The following TEX9 variants were observed in gnomAD, a reference collection of about 807,000 sequenced individuals.
TEX9 encodes testis expressed 9, also known as testis-expressed protein 9.
In TEX9, 74 loss-of-function variants were observed where a neutral mutation model predicts 59.6. The ratio of observed to expected loss-of-function variants is 1.24; its 90% CI spans 1.03 to 1.51. TEX9 has a LOEUF of 1.51. Ranked by LOEUF, TEX9 falls within the 40% of genes most tolerant of loss-of-function variation. The probability of loss-of-function intolerance (pLI) is 0.00; values close to 1 mark genes in which losing one functional copy is unlikely to be tolerated. For synonymous variants in TEX9, 186 were observed against 152.2 expected, an observed-to-expected ratio of 1.22 and a Z score of -1.64; for missense variants, 522 against 447.8, an observed-to-expected ratio of 1.17 and a Z score of -1.49.
At chr15:56,403,081 A>G (rs1245324893) in intron 9 of TEX9, among the ~76,000 whole-genome samples, 2 of 152,216 alleles carry the variant, frequency 1.3e-5, no homozygotes, top group Non-Finnish European at 2.9e-5. Flanking sequence ...GCACAAGAGA[A>G]GGATGCCCTC....
chr15:56,311,412 C>T (rs200797686), intron 1 of TEX9, among the ~76,000 whole-genome samples: 57,939 of 124,688 alleles, frequency 0.46, 13,561 homozygotes, highest in Non-Finnish European at 0.57. Context: ...TTTGTTCTTG[C>T]GATAGTTTAC....
At chr15:56,264,412 G>A (rs573059309) in intron 1 of TEX9, among the ~76,000 whole-genome samples, 11 of 152,252 alleles carry the variant, frequency 7.2e-5, no homozygotes, top group Non-Finnish European at 8.8e-5. Context: ...CTTTCACAAA[G>A]TTTTTTCCCT....
exon 6 of TEX9, chr15:56,389,345 A>T (rs1163284536): frequency 1.2e-6 from 2 of 1,611,378 alleles, no homozygotes; most frequent in Non-Finnish European, 1.7e-6. Flanking sequence ...TGATCCTGTA[A>T]ACAAGGTTCA....
At chr15:56,328,799 T>A (rs1487722123) in intron 1 of TEX9, among the ~76,000 whole-genome samples, 1 of 152,062 alleles carries the variant, frequency 6.6e-6, no homozygotes, top group East Asian at 1.9e-4. Flanking sequence ...TTTCTAACAT[T>A]TTTGACTCCA....
intron 1 of TEX9, among the ~76,000 whole-genome samples, chr15:56,273,819 A>G (rs2044606858): frequency 1.3e-5 from 2 of 152,252 alleles, no homozygotes; most frequent in East Asian, 1.9e-4. Context: ...TTGTTGCTCT[A>G]TATGTAAAAT....
At chr15:56,357,097 A>G (rs2046699452) in intron 1 of TEX9, among the ~76,000 whole-genome samples, 1 of 152,144 alleles carries the variant, frequency 6.6e-6, no homozygotes, top group South Asian at 2.1e-4. Context: ...ATCCCTTACT[A>G]TGTCCCCTAC....
At chr15:56,443,344 G>T in intron 12 of TEX9, 1 of 984,042 alleles carries the variant, frequency 1.0e-6, no homozygotes, top group Admixed American at 3.2e-5. Flanking sequence ...AGTATGGTTG[G>T]ATTTAAATGT....
chr15:56,320,913 T>A (rs2045887974), intron 1 of TEX9, among the ~76,000 whole-genome samples: 1 of 152,090 alleles, frequency 6.6e-6, no homozygotes, highest in Admixed American at 6.6e-5. Flanking sequence ...AACCAGGAAA[T>A]AAAGACAGTA....
chr15:56,281,259 T>A (rs779065820), intron 1 of TEX9, among the ~76,000 whole-genome samples: 14 of 152,216 alleles, frequency 9.2e-5, no homozygotes, highest in Non-Finnish European at 1.5e-4. Flanking sequence ...AGATACTGGT[T>A]AACAGAGGTT....
At chr15:56,355,723 C>T (rs182592472) in intron 1 of TEX9, among the ~76,000 whole-genome samples, 1 of 152,136 alleles carries the variant, frequency 6.6e-6, no homozygotes, top group African/African-American at 2.4e-5. Flanking sequence ...CACAGTGTAT[C>T]TTTCTGTTTA....
chr15:56,251,461 T>C (rs1319753408), intron 1 of TEX9, among the ~76,000 whole-genome samples: 1 of 152,172 alleles, frequency 6.6e-6, no homozygotes, highest in Non-Finnish European at 1.5e-5. Flanking sequence ...GCTTATGAGC[T>C]GACTCAATAA....
intron 1 of TEX9, among the ~76,000 whole-genome samples, chr15:56,299,643 G>A (rs2045294925): frequency 6.6e-6 from 1 of 152,154 alleles, no homozygotes. Flanking sequence ...TCCATTTGAG[G>A]AGAAGAGAGA....
At chr15:56,270,091 G>A (rs1385694228) in intron 1 of TEX9, among the ~76,000 whole-genome samples, 2 of 152,208 alleles carry the variant, frequency 1.3e-5, no homozygotes, top group Admixed American at 6.5e-5. Context: ...TGGGATAATT[G>A]TGATGTGGTG....
At chr15:56,274,804 T>G (rs1467953799) in intron 1 of TEX9, among the ~76,000 whole-genome samples, 6 of 152,188 alleles carry the variant, frequency 3.9e-5, no homozygotes, top group African/African-American at 1.4e-4. Flanking sequence ...TGGTTTTATG[T>G]TTTGCTGTTG....
intron 7 of TEX9, 39 bp from the exon 8 acceptor site, chr15:56,394,126 T>G: frequency 6.4e-7 from 1 of 1,557,106 alleles, no homozygotes; most frequent in Non-Finnish European, 8.8e-7. Flanking sequence ...CATCTTAGAT[T>G]CAGCAAAAGA....
Position 56,427,726 on chromosome 15 carries a change from TAAAAAGGCAAA to T in TEX9, c.1087_1097del (p.Lys363AspfsTer4). The T allele has an allele frequency of 6.7e-7, 1 of 1,490,328 alleles. No individual in the cohort carries two copies. The highest frequency in any genetic ancestry group is 9.0e-7 in the Non-Finnish European group (1 of 1,117,176). 92.3% of individuals were successfully genotyped at this position (1,490,328 alleles called of 1,614,324 possible). A position where few individuals can be genotyped will look rare whatever the true frequency, so the allele number is the denominator to read the frequency against. On this transcript the variant is annotated frameshift_variant and splice_region_variant, in exon 11 of 13. Transcript: ENST00000352903. LOFTEE classifies it high-confidence loss of function. ...AAACAGTTAAAATTAATTGATGTTT[TAAAAAGGCAAA>T]AGGTGAGTCTATCATTAAAGTTAAA...
At chr15:56,332,278 T>C (rs1416995194) in intron 1 of TEX9, among the ~76,000 whole-genome samples, 14 of 151,490 alleles carry the variant, frequency 9.2e-5, no homozygotes, top group South Asian at 2.1e-4. Flanking sequence ...CACCATGGAA[T>C]ACTATGCAGC....
intron 4 of TEX9, among the ~76,000 whole-genome samples, chr15:56,387,335 TGAG>T (rs1174682112): frequency 6.6e-6 from 1 of 151,910 alleles, no homozygotes; most frequent in Non-Finnish European, 1.5e-5. Flanking sequence ...TAATTTAAAA[TGAG>T]GAAGATTAAA....
the TEX9 span, among the ~76,000 whole-genome samples, chr15:56,457,730 G>T: frequency 6.6e-6 from 1 of 151,582 alleles, no homozygotes; most frequent in Non-Finnish European, 1.5e-5. Flanking sequence ...TAGGAGGACC[G>T]CCGGAGACCA....
Sources: gnomAD v4.1 joint callset for allele counts (sites outside exome capture counted in the v4.1 genomes callset) on GRCh38, gnomAD v4.1.1 for gene constraint, MANE v1.5 for transcripts, NCBI Gene and HGNC (gene_info 2026-07-23, HGNC 2026-07-21) for gene names.